Variants in CROCC observed in about 807,000 individuals in gnomAD.
CROCC encodes the protein rootletin.
Under a neutral mutation model 245.2 loss-of-function variants are expected in CROCC, and 180 were observed. The observed-to-expected ratio is 0.73, with a 90% CI of 0.65 to 0.83. CROCC has a LOEUF of 0.83. CROCC is among the 40% of genes least tolerant of loss of function. CROCC has a pLI of 0.00. For synonymous variants in CROCC, 1,205 were observed against 1,241.6 expected (o/e 0.97, Z 0.62); for missense variants, 2,688 against 2,779.4 (o/e 0.97, Z 0.74).
intron 30 of CROCC, among the ~76,000 whole-genome samples, chr1:16,967,034 G>A (rs1156882979): frequency 6.7e-6 from 1 of 148,632 alleles, no homozygotes; most frequent in South Asian, 2.2e-4. Flanking sequence ...TAGCAAGGCA[G>A]AGTGAGACCC....
At position 16,929,842 on chromosome 1, in the gene CROCC, G is replaced by A. The variant is rs1476861118; in HGVS notation, c.352-4G>A. 9 of 1,546,476 alleles carry A rather than the reference G, an allele frequency of 5.8e-6. No homozygotes were observed. The highest frequency in any genetic ancestry group is 4.1e-5 in the African/African-American group (3 of 73,956). On this transcript the variant is annotated splice_region_variant and splice_polypyrimidine_tract_variant and intron_variant, in intron 3 of 36. Coordinates refer to ENST00000375541, the MANE Select transcript of CROCC (RefSeq NM_014675.5). The stretch of plus-strand genomic sequence containing the variant: ...GGACTCTCACCCAGGGCCCTTCCCT[G>A]CAGCTGGAGCAGGCTCTGCGGCTGG...
intron 1 of CROCC, among the ~76,000 whole-genome samples, chr1:16,915,655 AAAG>A (rs2075294528): frequency 7.0e-6 from 1 of 143,556 alleles, no homozygotes; most frequent in African/African-American, 2.5e-5. Context: ...AAAAAAAAAA[AAAG>A]GAGGAGACAG....
rs762198768 is a variant in CROCC at position 16,966,106 on chromosome 1, T to A, written c.4683T>A (p.Ala1561=). The A allele has an allele frequency of 2.5e-6, 4 of 1,612,218 alleles. No individual in the cohort carries two copies. Among genetic ancestry groups the A allele is most frequent in the Non-Finnish European group, 3.4e-6 (4 of 1,178,654 alleles). ...CCAGGCAGCTGCAGAAGGCGGTGGC[T>A]GAGAGTGAGGAAGGTGAGTCTGATC... ...SRARQLQKAV[A]ESEEARRSVD... Residue 1561 remains alanine, a synonymous_variant, in exon 29 of 37, where the codon GCT becomes GCA. Coordinates refer to ENST00000375541, the MANE Select transcript of CROCC (RefSeq NM_014675.5). This position sits in a 1 kb window ranked among gnomAD's most constrained non-coding sequence, Gnocchi z 4.8.
At chr1:16,940,182 A>T in intron 13 of CROCC, 89 bp downstream of exon 13, 1 of 1,365,908 alleles carries the variant, frequency 7.3e-7, no homozygotes, top group Non-Finnish European at 1.0e-6. Context: ...ATGGCTCTGC[A>T]CTAATATGGT....
intron 2 of CROCC, among the ~76,000 whole-genome samples, chr1:16,923,076 C>T (rs1223078562): frequency 6.6e-6 from 1 of 152,290 alleles, no homozygotes; most frequent in African/African-American, 2.4e-5. Flanking sequence ...CCCCAAATCC[C>T]GTATTCCCAC....
chr1:16,924,633 G>A (rs1418652405), intron 3 of CROCC, among the ~76,000 whole-genome samples, 154 bp downstream of exon 3: 1 of 152,288 alleles, frequency 6.6e-6, no homozygotes. Context: ...GAGTGGCGTT[G>A]AGCAAATCAC....
Position 16,946,902 on chromosome 1 carries a change from C to G in CROCC, c.2425C>G (p.Arg809Gly). The change falls in exon 17 of 37, where the codon CGA becomes GGA. Residue 809 changes from arginine (R) to glycine (G), a missense_variant. Transcript: ENST00000375541. ...GCGGCAGGGCCTGGAGGGCTCCCTA[C>G]GAGTGGCGGAGCAGGCCCAGGAGGC... The part of the protein sequence containing the change: ...VARQGLEGSL[R>G]VAEQAQEALE... 1 of 1,563,814 alleles carries G rather than the reference C, an allele frequency of 6.4e-7. No homozygotes were observed. The highest frequency in any genetic ancestry group is 2.4e-5 in the East Asian group (1 of 42,086).
rs745982861 is a variant in CROCC at position 16,929,869 on chromosome 1, G to A, written c.375G>A (p.Glu125=). Residue 125 remains glutamate (E), a synonymous_variant, in exon 4 of 37, where the codon GAG becomes GAA. Coordinates refer to ENST00000375541, the MANE Select transcript of CROCC (RefSeq NM_014675.5). ...SERLEQALRL[E]PGELETQEPR... ...AGCTGGAGCAGGCTCTGCGGCTGGAGCCTGGGGAGCTGGAGACGCAGGAGC... is the reference window on the plus strand; with the variant it reads ...AGCTGGAGCAGGCTCTGCGGCTGGAACCTGGGGAGCTGGAGACGCAGGAGC... The A allele has an allele frequency of 6.3e-6, 10 of 1,576,080 alleles. No homozygotes were observed. The highest frequency in any genetic ancestry group is 1.8e-5 in the Admixed American group (1 of 54,458).
Position 16,922,079 on chromosome 1 carries a change from G to T in CROCC, c.60+1G>T. The T allele has an allele frequency of 6.5e-7, 1 of 1,548,186 alleles. No individual in the cohort carries two copies. On this transcript the variant is annotated splice_donor_variant, in intron 1 of 36. Transcript: ENST00000375541. LOFTEE classifies it high-confidence loss of function. Reference sequence around the variant, plus strand: ...GCTGACACTAGAGACGGTTATCCAGGTGGGTCCTGGGGGCTGTGCCCACCC... The same window carrying T: ...GCTGACACTAGAGACGGTTATCCAGTTGGGTCCTGGGGGCTGTGCCCACCC...
At position 16,955,260 on chromosome 1, in the gene CROCC, T is replaced by C. The variant is rs2076230162; in HGVS notation, c.3466-52T>C. 3.8e-6 allele frequency: 6 copies of C among 1,564,800 alleles called. 1 individual carries two copies. The South Asian group carries it at 5.6e-5, about 15-fold the overall frequency. On this transcript the variant is annotated intron_variant, in intron 23 of 36. Coordinates refer to ENST00000375541, the MANE Select transcript of CROCC (RefSeq NM_014675.5). The stretch of plus-strand genomic sequence containing the variant: ...AGGGATCTGGGGTACAAGACCCAGC[T>C]TGACGGGGGGGTCCCTGACCGCTGC...
Position 16,961,146 on chromosome 1 carries a change from C to G in CROCC, c.4405+16C>G. ...CCCGCAGAAGGTAAGGGCAGTGCCG[C>G]GCGCAGGGAAGGGGGGAGGTGGGCG... On this transcript the variant is annotated intron_variant, in intron 27 of 36. Transcript: ENST00000375541. 1 of 1,300,874 alleles carries G rather than the reference C, an allele frequency of 7.7e-7. No individual in the cohort carries two copies. The highest frequency in any genetic ancestry group is 9.8e-7 in the Non-Finnish European group (1 of 1,025,634). 80.6% of individuals were successfully genotyped at this position (1,300,874 alleles called of 1,614,324 possible).
intron 3 of CROCC, among the ~76,000 whole-genome samples, chr1:16,927,118 G>T (rs2075551879): frequency 6.6e-6 from 1 of 152,136 alleles, no homozygotes; most frequent in Non-Finnish European, 1.5e-5. Context: ...CAGACACACA[G>T]ATGCACAAAA....
In CROCC at chr1:16,954,400, C is replaced by A. The variant is rs752340105; in HGVS notation, c.3321+43C>A. ...GCTGGGCCTCTGTCTCATAGAGAGG[C>A]ACATCCCTGGCTGAGGAGCCCCCAC... is the stretch of plus-strand genomic sequence containing the variant. On this transcript the variant is annotated intron_variant, in intron 22 of 36. Transcript: ENST00000375541. This position sits in a 1 kb window ranked among gnomAD's most constrained non-coding sequence, Gnocchi z 4.4. The A allele has an allele frequency of 1.3e-6, 2 of 1,583,080 alleles. No individual in the cohort carries two copies. The highest frequency in any genetic ancestry group is 8.6e-7 in the Non-Finnish European group (1 of 1,161,432).
Position 16,940,037 on chromosome 1 carries a change from C to G in CROCC, c.1752C>G (p.His584Gln). Residue 584 changes from histidine (H) to glutamine (Q), a missense_variant, in exon 13 of 37, where the codon CAC (histidine) becomes CAG (glutamine). His to Gln is a conservative substitution (Grantham distance 24). This residue lies in a region of CROCC where 972 missense variants were observed against 895.3 expected (regional missense o/e 1.09). Transcript: ENST00000375541. ...AGACCGACGGCGCCATGCAGGCCCA[C>G]GAGGACGCCCAGCGCGAGGTGCAGC... The part of the protein sequence containing the change: ...RDKTDGAMQA[H>Q]EDAQREVQRL... 2 of 1,610,882 alleles carry G rather than the reference C, an allele frequency of 1.2e-6. No individual in the cohort carries two copies. Among genetic ancestry groups the G allele is most frequent in the East Asian group, 2.2e-5 (1 of 44,874 alleles).
chr1:16,935,836 T>G (rs1211641511), intron 8 of CROCC, among the ~76,000 whole-genome samples: 1 of 152,294 alleles, frequency 6.6e-6, no homozygotes, highest in Non-Finnish European at 1.5e-5. Flanking sequence ...ATTTCTTACA[T>G]GAGCAATGCT....
intron 13 of CROCC, among the ~76,000 whole-genome samples, chr1:16,942,176 A>G (rs2100436356): frequency 6.6e-6 from 1 of 152,284 alleles, no homozygotes; most frequent in Non-Finnish European, 1.5e-5. Flanking sequence ...ACGCCTGCCT[A>G]ATTTTTCTGT....
intron 13 of CROCC, among the ~76,000 whole-genome samples, chr1:16,942,918 C>T (rs1162187946): frequency 6.6e-6 from 1 of 152,250 alleles, no homozygotes; most frequent in African/African-American, 2.4e-5. Flanking sequence ...CCAGCCTGGC[C>T]AACATGGCGA....
Position 16,966,778 on chromosome 1 carries a change from G to A in CROCC, c.4860+207G>A, listed in dbSNP as rs1490939413. Among the ~76,000 whole-genome samples the A allele has an allele frequency of 6.6e-6, 1 of 152,208 alleles. No homozygotes were observed. Among genetic ancestry groups the A allele is most frequent in the Non-Finnish European group, 1.5e-5 (1 of 68,036 alleles). On this transcript the variant is annotated intron_variant, in intron 30 of 36. Coordinates refer to ENST00000375541, the MANE Select transcript of CROCC (RefSeq NM_014675.5). The surrounding 1 kb of genome is among the most constrained non-coding windows in gnomAD (Gnocchi z 4.8). ...ACTAGGCTGTAGAAAAAAGAGCTTG[G>A]TCAAGGTGCAGTAGCTCATGCCTGT...
At chr1:16,934,145 C>T (rs2075738605) in intron 8 of CROCC, among the ~76,000 whole-genome samples, 1 of 152,252 alleles carries the variant, frequency 6.6e-6, no homozygotes, top group Non-Finnish European at 1.5e-5. Context: ...ATCCAACCCA[C>T]TCATCAAAGG....
Sources: gnomAD v4.1 joint callset for allele counts (sites outside exome capture counted in the v4.1 genomes callset) on GRCh38, gnomAD v4.1.1 for gene constraint, gnomAD v4.1.1 regional missense constraint, Gnocchi (gnomAD v3.1) non-coding constraint, MANE v1.5 for transcripts, NCBI Gene and HGNC (gene_info 2026-07-23, HGNC 2026-07-21) for gene names.